Variants in MLLT3 observed in about 807,000 individuals in gnomAD.
MLLT3 encodes the protein protein AF-9.
In MLLT3, 4 loss-of-function variants were observed where a neutral mutation model predicts 53.2. The ratio of observed to expected loss-of-function variants is 0.08; its 90% confidence interval spans 0.04 to 0.17. MLLT3 has a LOEUF of 0.17. Among genes scored for constraint, MLLT3 ranks in the 10% least tolerant of loss-of-function variants. The pLI, the probability that MLLT3 is intolerant of heterozygous loss-of-function variation, is 1.00. For synonymous variants in MLLT3, 283 were observed against 230.6 expected (o/e 1.23, Z -2.06); for missense variants, 569 against 684.0 (o/e 0.83, Z 1.87).
intron 5 of MLLT3, among the ~76,000 whole-genome samples, chr9:20,383,841 C>A (rs1821964928): frequency 6.6e-6 from 1 of 151,612 alleles, no homozygotes; most frequent in African/African-American, 2.4e-5. Flanking sequence ...AGTTCAATGC[C>A]CAATATATAA....
intron 2 of MLLT3, among the ~76,000 whole-genome samples, chr9:20,475,498 A>T (rs1343398759): frequency 6.6e-6 from 1 of 152,136 alleles, no homozygotes; most frequent in Non-Finnish European, 1.5e-5. Flanking sequence ...TTTTGTTAAC[A>T]TATAAAGTTT....
chr9:20,387,471 C>T (rs146697635), intron 5 of MLLT3, among the ~76,000 whole-genome samples: 12 of 152,048 alleles, frequency 7.9e-5, no homozygotes, highest in Non-Finnish European at 1.5e-4. Flanking sequence ...TTTGTTTTTG[C>T]GGTCGTGGAG....
chr9:20,620,252 AACACACACACACAC>A lies in MLLT3; in HGVS notation c.193+388_193+401del, dbSNP rs60526002. On this transcript the variant is annotated intron_variant, in intron 2 of 10. Coordinates refer to ENST00000380338, the MANE Select transcript of MLLT3 (RefSeq NM_004529.4). This position sits in a 1 kb window ranked among gnomAD's most constrained non-coding sequence, Gnocchi z 6.1. ...AGGTAAATCTTAATTTCTCTAGGAA[AACACACACACACAC>A]ACACACACACACACACACACACACA... is the stretch of plus-strand genomic sequence containing the variant. Among the ~76,000 whole-genome samples, 270 of 142,600 alleles carry A rather than the reference AACACACACACACAC, an allele frequency of 1.9e-3. No individual in the cohort carries two copies. The highest frequency in any genetic ancestry group is 4.6e-3 in the African/African-American group (175 of 38,396). 93.6% of individuals were successfully genotyped at this position (142,600 alleles called of 152,430 possible). A position where few individuals can be genotyped will look rare whatever the true frequency, so the allele number is the denominator to read the frequency against.
At chr9:20,585,220 T>C (rs1819920930) in intron 2 of MLLT3, among the ~76,000 whole-genome samples, 2 of 152,178 alleles carry the variant, frequency 1.3e-5, no homozygotes, top group Non-Finnish European at 2.9e-5. Context: ...TCTCACCGTG[T>C]CCTCAAACAA....
intron 2 of MLLT3, among the ~76,000 whole-genome samples, chr9:20,471,829 T>C (rs1177594543): frequency 6.7e-6 from 1 of 149,800 alleles, no homozygotes; most frequent in Non-Finnish European, 1.5e-5. Flanking sequence ...GGATGTCACC[T>C]ACCATTTTTT....
At chr9:20,564,091 C>T (rs1050926487) in intron 2 of MLLT3, among the ~76,000 whole-genome samples, 13 of 152,216 alleles carry the variant, frequency 8.5e-5, no homozygotes, top group Non-Finnish European at 1.9e-4. Flanking sequence ...TGTCATCATT[C>T]TAAATATACG....
intron 4 of MLLT3, among the ~76,000 whole-genome samples, chr9:20,417,624 T>C (rs1351535683): frequency 6.6e-6 from 1 of 152,044 alleles, no homozygotes; most frequent in Non-Finnish European, 1.5e-5. Context: ...ATCTCAAATA[T>C]TTAAGGCAAA....
chr9:20,365,362 C>A (rs1024326432), intron 6 of MLLT3, among the ~76,000 whole-genome samples: 1 of 151,760 alleles, frequency 6.6e-6, no homozygotes, highest in Non-Finnish European at 1.5e-5. Context: ...TTTTTTGAGA[C>A]GGAGTCTCAC....
chr9:20,420,000 A>G (rs1822966674), intron 4 of MLLT3, among the ~76,000 whole-genome samples: 1 of 152,212 alleles, frequency 6.6e-6, no homozygotes, highest in African/African-American at 2.4e-5. Context: ...ACAGAAATTT[A>G]GGAATGAAAG....
chr9:20,396,027 T>C (rs1180956046), intron 5 of MLLT3, among the ~76,000 whole-genome samples: 1 of 152,118 alleles, frequency 6.6e-6, no homozygotes, highest in Non-Finnish European at 1.5e-5. Flanking sequence ...TTCTATTCAG[T>C]AGACAAGATG....
At chr9:20,462,010 G>C (rs927710167) in intron 2 of MLLT3, among the ~76,000 whole-genome samples, 92 of 152,186 alleles carry the variant, frequency 6.0e-4, no homozygotes, top group Admixed American at 5.4e-3. Flanking sequence ...AGAGCCTCCA[G>C]GAATGGGGCA....
chr9:20,566,279 G>A (rs1054452805), intron 2 of MLLT3, among the ~76,000 whole-genome samples: 3 of 151,326 alleles, frequency 2.0e-5, no homozygotes, highest in Non-Finnish European at 2.9e-5. Flanking sequence ...TTTCTACCAA[G>A]TCTACAGAGT....
At position 20,448,027 on chromosome 9, in the gene MLLT3, AT is replaced by A; in HGVS notation, c.420+95del. 7.3e-7 allele frequency: 1 copy of A among 1,377,906 alleles called. No homozygotes were observed. The highest frequency in any genetic ancestry group is 9.9e-7 in the Non-Finnish European group (1 of 1,011,320). The allele number at this position is 1,377,906 out of a possible 1,614,324, so 85.4% of individuals were successfully genotyped here. A position where few individuals can be genotyped will look rare whatever the true frequency, so the allele number is the denominator to read the frequency against. ...TTTCTTTTACCTCTCCCAAAACCTT[AT>A]ACTTTTTAACACATGAGGAACTAGT... On this transcript the variant is annotated intron_variant, in intron 4 of 10. Transcript: ENST00000380338. This position sits in a 1 kb window ranked among gnomAD's most constrained non-coding sequence, Gnocchi z 4.0.
chr9:20,345,601 T>A lies in MLLT3; in HGVS notation c.*842A>T, dbSNP rs1587134354. On this transcript the variant is annotated 3_prime_UTR_variant, in exon 11 of 11. Coordinates refer to ENST00000380338, the MANE Select transcript of MLLT3 (RefSeq NM_004529.4). ...AATGTTGATGACAGCTCAACAATGC[T>A]GGATTCAGGACATTTACAGGTACAC... 9.7e-6 allele frequency: 2 copies of A among 207,102 alleles called. No individual in the cohort carries two copies. Among genetic ancestry groups the A allele is most frequent in the Non-Finnish European group, 2.0e-5 (2 of 101,482 alleles). 12.8% of individuals were successfully genotyped at this position (207,102 alleles called of 1,614,324 possible).
Position 20,433,275 on chromosome 9 carries a change from A to G in MLLT3, c.420+14848T>C, listed in dbSNP as rs143648119. On this transcript the variant is annotated intron_variant, in intron 4 of 10. Transcript: ENST00000380338. ...AGGTTAAAAAGTATGCAAAGAAACC[A>G]GGTTAAAGGGGCTCCCACTGGCCAA... 3.6e-3 allele frequency among the ~76,000 whole-genome samples: 543 copies of G among 152,332 alleles called. 1 individual carries two copies. The highest frequency in any genetic ancestry group is 0.013 in the African/African-American group (523 of 41,586).
At chr9:20,586,429 A>G (rs1354913947) in intron 2 of MLLT3, among the ~76,000 whole-genome samples, 1 of 151,342 alleles carries the variant, frequency 6.6e-6, no homozygotes, top group Admixed American at 6.6e-5. Context: ...TTGAAAATTG[A>G]CGTTTGCCCA....
At chr9:20,373,645 CTAGT>C (rs1821678526) in intron 5 of MLLT3, among the ~76,000 whole-genome samples, 1 of 152,020 alleles carries the variant, frequency 6.6e-6, no homozygotes, top group African/African-American at 2.4e-5. Flanking sequence ...TACAGTATAA[CTAGT>C]TAAACAGAAA....
chr9:20,503,307 A>G (rs891265111), intron 2 of MLLT3, among the ~76,000 whole-genome samples: 1 of 152,226 alleles, frequency 6.6e-6, no homozygotes, highest in Non-Finnish European at 1.5e-5. Flanking sequence ...CTACCAAGCT[A>G]CAGTAATCAA....
intron 2 of MLLT3, among the ~76,000 whole-genome samples, chr9:20,478,982 T>C (rs969569969): frequency 5.3e-5 from 8 of 152,092 alleles, no homozygotes; most frequent in Non-Finnish European, 8.8e-5. Context: ...AAGAATGAGA[T>C]TGACAGGAAC....
Sources: gnomAD v4.1 joint callset for allele counts (sites outside exome capture counted in the v4.1 genomes callset) on GRCh38, gnomAD v4.1.1 for gene constraint, Gnocchi (gnomAD v3.1) non-coding constraint, MANE v1.5 for transcripts, NCBI Gene and HGNC (gene_info 2026-07-23, HGNC 2026-07-21) for gene names.